AGBL1: variants seen among roughly 807,000 people sequenced by gnomAD.
AGBL1 encodes the protein AGBL carboxypeptidase 1.
AGBL1 carries 130 observed loss-of-function variants against 118.9 expected under a neutral mutation model. That is an observed-to-expected ratio of 1.09 (90% confidence interval 0.95 to 1.26). The LOEUF is 1.26. AGBL1 is among the 50% of genes most tolerant of loss of function. The pLI is 0.00. For synonymous variants in AGBL1, 555 were observed against 478.9 expected (o/e 1.16, Z -2.08); for missense variants, 1,584 against 1,298.1 (o/e 1.22, Z -3.38).
intron 5 of AGBL1, among the ~76,000 whole-genome samples, chr15:86,162,331 T>C (rs1228356819): frequency 6.6e-6 from 1 of 152,098 alleles, no homozygotes; most frequent in Admixed American, 6.6e-5. Flanking sequence ...TCATGATGAC[T>C]CCTCCCTCCT....
intron 17 of AGBL1, among the ~76,000 whole-genome samples, chr15:86,368,833 A>G (rs1204176952): frequency 6.6e-6 from 1 of 152,236 alleles, no homozygotes; most frequent in Non-Finnish European, 1.5e-5. Flanking sequence ...TGTCTTTCAA[A>G]AGTGTATTCT....
rs77572298 is a variant in AGBL1, at chr15:86,857,498, C to G, written c.3159-49589C>G. Among the ~76,000 whole-genome samples, 2,264 of 152,322 alleles carry G rather than the reference C, an allele frequency of 0.015. 70 individuals carry two copies. The East Asian group carries it at 0.15, about 10-fold the overall frequency. On this transcript the variant is annotated intron_variant, in intron 22 of 22. Transcript: ENST00000614907. ...AGAGGCTTTTCCCATGTGACTCCCT[C>G]TGCATAGAATGCTCTTCACTTCGCC...
chr15:86,704,893 C>A (rs988758640), intron 22 of AGBL1, among the ~76,000 whole-genome samples: 2 of 152,170 alleles, frequency 1.3e-5, no homozygotes, highest in African/African-American at 2.4e-5. Context: ...AGATGCCCAA[C>A]ACTGATAGAC....
At chr15:86,242,782 T>C (rs1423122079) in intron 6 of AGBL1, among the ~76,000 whole-genome samples, 1 of 152,228 alleles carries the variant, frequency 6.6e-6, no homozygotes, top group African/African-American at 2.4e-5. Context: ...CAACTTCCTT[T>C]AGTTTTGCCA....
chr15:86,394,509 G>T (rs1307525029), intron 17 of AGBL1, among the ~76,000 whole-genome samples: 1 of 152,070 alleles, frequency 6.6e-6, no homozygotes, highest in Admixed American at 6.6e-5. Context: ...ATCTTACATT[G>T]AGTTTAACAG....
intron 17 of AGBL1, among the ~76,000 whole-genome samples, chr15:86,380,231 C>CCCTG (rs113927338): frequency 0.36 from 42,624 of 118,562 alleles, 7,398 homozygotes; most frequent in African/African-American, 0.55. Flanking sequence ...TCATTCCCTC[C>CCCTG]CCTGCCTGCC....
At chr15:86,310,323 G>A (rs1372407694) in intron 17 of AGBL1, among the ~76,000 whole-genome samples, 1 of 151,646 alleles carries the variant, frequency 6.6e-6, no homozygotes, top group African/African-American at 2.4e-5. Flanking sequence ...CTCTTACTTA[G>A]TTTGGCTAAA....
intron 5 of AGBL1, among the ~76,000 whole-genome samples, chr15:86,180,342 T>C (rs1579803): frequency 0.066 from 10,024 of 152,152 alleles, 488 homozygotes; most frequent in East Asian, 0.24. Flanking sequence ...AGTGTCAAGA[T>C]AGATTAATGG....
chr15:86,456,156 A>G (rs931087005), intron 18 of AGBL1, among the ~76,000 whole-genome samples: 3 of 152,220 alleles, frequency 2.0e-5, no homozygotes, highest in African/African-American at 4.8e-5. Context: ...GATTAAAACA[A>G]TAACAACAAG....
chr15:86,857,369 G>A (rs1399280103), intron 22 of AGBL1, among the ~76,000 whole-genome samples: 5 of 152,092 alleles, frequency 3.3e-5, no homozygotes, highest in African/African-American at 9.7e-5. Flanking sequence ...TCTCTTTTCA[G>A]TATGGGATTC....
At chr15:86,430,901 A>G (rs1596105907) in intron 18 of AGBL1, among the ~76,000 whole-genome samples, 1 of 152,334 alleles carries the variant, frequency 6.6e-6, no homozygotes, top group South Asian at 2.1e-4. Context: ...CTAGCATTTT[A>G]TACTACAAAA....
chr15:86,606,435 A>T (rs1483937974), intron 21 of AGBL1, among the ~76,000 whole-genome samples: 2 of 152,200 alleles, frequency 1.3e-5, no homozygotes, highest in Admixed American at 6.5e-5. Flanking sequence ...GTTACACTCC[A>T]GGGAAGGGAT....
chr15:86,133,950 C>T (rs1032534957), intron 1 of AGBL1, among the ~76,000 whole-genome samples: 2 of 152,178 alleles, frequency 1.3e-5, no homozygotes, highest in African/African-American at 4.8e-5. Flanking sequence ...TTCAGTATTT[C>T]CATGCCAACC....
intron 22 of AGBL1, among the ~76,000 whole-genome samples, chr15:86,779,216 C>A (rs931117261): frequency 6.6e-6 from 1 of 152,166 alleles, no homozygotes; most frequent in African/African-American, 2.4e-5. Context: ...CCCTTCCCAC[C>A]ATGTGAGGAC....
chr15:86,281,184 A>C (rs963388748), intron 16 of AGBL1, among the ~76,000 whole-genome samples: 4 of 152,118 alleles, frequency 2.6e-5, no homozygotes, highest in African/African-American at 9.7e-5. Context: ...AGAGTTCGAG[A>C]CCAGCCTGGG....
At chr15:86,559,826 G>A (rs1427056075) in intron 21 of AGBL1, among the ~76,000 whole-genome samples, 4 of 152,058 alleles carry the variant, frequency 2.6e-5, no homozygotes, top group Non-Finnish European at 4.4e-5. Flanking sequence ...CTTTTACCTC[G>A]TGCTTTCTGT....
chr15:86,690,794 G>T (rs1467493721), intron 22 of AGBL1, among the ~76,000 whole-genome samples: 1 of 151,948 alleles, frequency 6.6e-6, no homozygotes, highest in East Asian at 1.9e-4. Flanking sequence ...TTGCTGAGAG[G>T]GTACTGTCCA....
chr15:86,263,827 A>C (rs368323272), intron 10 of AGBL1, among the ~76,000 whole-genome samples: 1 of 152,140 alleles, frequency 6.6e-6, no homozygotes, highest in South Asian at 2.1e-4. Context: ...GTACAGAGGG[A>C]GTTAATATAT....
At chr15:86,204,926 C>T (rs2077967248) in intron 5 of AGBL1, among the ~76,000 whole-genome samples, 2 of 152,118 alleles carry the variant, frequency 1.3e-5, no homozygotes, top group South Asian at 4.1e-4. Flanking sequence ...TTCATTGTCA[C>T]CCAAAGTCCA....
Sources: gnomAD v4.1 joint callset for allele counts (sites outside exome capture counted in the v4.1 genomes callset) on GRCh38, gnomAD v4.1.1 for gene constraint, MANE v1.5 for transcripts, NCBI Gene and HGNC (gene_info 2026-07-23, HGNC 2026-07-21) for gene names.